The following RIC1 variants were observed in gnomAD, a reference collection of about 807,000 sequenced individuals.
RIC1 encodes the protein guanine nucleotide exchange factor subunit RIC1.
Under a neutral mutation model 169.0 loss-of-function variants are expected in RIC1, and 88 were observed. The ratio of observed to expected loss-of-function variants is 0.52; its 90% confidence interval spans 0.44 to 0.62. RIC1 has a LOEUF of 0.62. RIC1 is among the 20% of genes least tolerant of loss of function. RIC1 has a pLI of 0.00. For missense variants in RIC1, 1,877 were observed against 1,725.5 expected (o/e 1.09, Z -1.56); for synonymous variants, 790 against 601.5 (o/e 1.31, Z -4.59).
At chr9:5,713,558 C>G (rs1021984891) in intron 3 of RIC1, 1 of 199,438 alleles carries the variant, frequency 5.0e-6, no homozygotes, top group South Asian at 9.7e-5. Flanking sequence ...CCATAGTTGT[C>G]CACCTTAGAA....
At chr9:5,702,984 A>T (rs981944820) in intron 3 of RIC1, among the ~76,000 whole-genome samples, 14 of 152,176 alleles carry the variant, frequency 9.2e-5, no homozygotes, top group African/African-American at 2.9e-4. Flanking sequence ...AATTTGACAT[A>T]AGATTTGTGT....
At chr9:5,671,626 T>A (rs1820113928) in intron 2 of RIC1, among the ~76,000 whole-genome samples, 2 of 152,186 alleles carry the variant, frequency 1.3e-5, no homozygotes, top group African/African-American at 2.4e-5. Context: ...AAGAACCTGT[T>A]TTGCAGGCAG....
At chr9:5,751,810 TAC>T (rs1378426095) in intron 12 of RIC1, among the ~76,000 whole-genome samples, 2 of 152,260 alleles carry the variant, frequency 1.3e-5, no homozygotes, top group Admixed American at 1.3e-4. Context: ...TCAAGGTTAA[TAC>T]AGATGTTTAG....
At chr9:5,757,233 T>C in intron 16 of RIC1, 80 bp from the exon 17 acceptor site, 1 of 1,472,654 alleles carries the variant, frequency 6.8e-7, no homozygotes, top group Non-Finnish European at 9.4e-7. Context: ...GCATGAAATC[T>C]AATACTATTA....
At chr9:5,671,759 G>A (rs1010194115) in intron 2 of RIC1, among the ~76,000 whole-genome samples, 6 of 152,144 alleles carry the variant, frequency 3.9e-5, no homozygotes, top group African/African-American at 1.4e-4. Flanking sequence ...ATAAACATGA[G>A]CCTAAAGTCA....
chr9:5,724,342 A>T (rs1266992509), intron 6 of RIC1, among the ~76,000 whole-genome samples: 2 of 152,186 alleles, frequency 1.3e-5, no homozygotes, highest in East Asian at 1.9e-4. Context: ...GAGTTCACTC[A>T]TGATTTGGTT....
rs762587217 is a variant in RIC1 at position 5,772,731 on chromosome 9, G to A, written c.3784G>A (p.Val1262Ile). Residue 1262 changes from valine (V) to isoleucine (I), a missense_variant, in exon 24 of 26, where the codon GTC (valine) becomes ATC (isoleucine). Coordinates refer to ENST00000414202, the MANE Select transcript of RIC1 (RefSeq NM_020829.4). Reference sequence around the variant, plus strand: ...CAGTAAAGGGCCTCATAAATCCCAGGTCCAGCTTCGGTGAGTTTCTTGGCT... The same window carrying A: ...CAGTAAAGGGCCTCATAAATCCCAGATCCAGCTTCGGTGAGTTTCTTGGCT... ...LASKGPHKSQ[V>I]QLRYLLHIFM... 6.2e-7 allele frequency: 1 copy of A among 1,604,592 alleles called. No homozygotes were observed. The highest frequency in any genetic ancestry group is 1.1e-5 in the South Asian group (1 of 89,092).
intron 7 of RIC1, among the ~76,000 whole-genome samples, chr9:5,732,865 A>T (rs1036171905): frequency 3.3e-5 from 5 of 152,190 alleles, no homozygotes; most frequent in Non-Finnish European, 5.9e-5. Flanking sequence ...AGTGTGCTTT[A>T]GTTAACAAGC....
At chr9:5,730,587 C>T (rs951137678) in intron 6 of RIC1, among the ~76,000 whole-genome samples, 2 of 151,932 alleles carry the variant, frequency 1.3e-5, no homozygotes, top group African/African-American at 2.4e-5. Context: ...AGGTGATTAC[C>T]ATGTAAATCT....
rs1047972418 is a variant in RIC1, at chr9:5,629,295, G to C, written c.-15G>C. 4 of 1,477,994 alleles carry C rather than the reference G, an allele frequency of 2.7e-6. No individual in the cohort carries two copies. The highest frequency in any genetic ancestry group is 3.6e-6 in the Non-Finnish European group (4 of 1,117,042). 91.6% of individuals were successfully genotyped at this position (1,477,994 alleles called of 1,614,324 possible). A position where few individuals can be genotyped will look rare whatever the true frequency, so the allele number is the denominator to read the frequency against. On this transcript the variant is annotated 5_prime_UTR_variant, in exon 1 of 26. Transcript: ENST00000414202. The stretch of plus-strand genomic sequence containing the variant: ...GACGGACGCAACTGGGGGCGCCGGG[G>C]GCTCCGCACGGACCATGTATTTTCT...
At chr9:5,719,133 A>G (rs1301803674) in intron 4 of RIC1, 2 of 152,180 alleles carry the variant, frequency 1.3e-5, no homozygotes, top group South Asian at 2.1e-4. Flanking sequence ...TCTTAAATTC[A>G]TCTTACTTCC....
intron 1 of RIC1, among the ~76,000 whole-genome samples, chr9:5,647,539 C>G (rs887760107): frequency 6.6e-6 from 1 of 152,020 alleles, no homozygotes; most frequent in African/African-American, 2.4e-5. Flanking sequence ...TAGGTTTAGT[C>G]CTAAGTACTT....
chr9:5,771,664 A>G (rs1827232600), intron 23 of RIC1, among the ~76,000 whole-genome samples: 1 of 152,152 alleles, frequency 6.6e-6, no homozygotes, highest in Admixed American at 6.5e-5. Context: ...TTTTCTCCAC[A>G]TCTCACCAAC....
At position 5,713,998 on chromosome 9, in the gene RIC1, C is replaced by G. The variant is rs1481575213; in HGVS notation, c.435C>G (p.Ile145Met). ...AAATACTGGATTTACAAGCACCCAT[C>G]ATGAGGTACAGTACTTTGGTTAAAT... The part of the protein sequence containing the change: ...MRKILDLQAP[I>M]MSLQSVLEDL... Residue 145 changes from isoleucine to methionine, a missense_variant, in exon 4 of 26, where the codon ATC becomes ATG. This residue lies in a region of RIC1 where 1,104 missense variants were observed against 992.0 expected (regional missense o/e 1.11). Coordinates refer to ENST00000414202, the MANE Select transcript of RIC1 (RefSeq NM_020829.4). 5 of 1,602,524 alleles carry G rather than the reference C, an allele frequency of 3.1e-6. No individual in the cohort carries two copies. Among genetic ancestry groups the G allele is most frequent in the Non-Finnish European group, 4.3e-6 (5 of 1,170,978 alleles).
chr9:5,763,298 C>T lies in RIC1; in HGVS notation c.2271C>T (p.His757=). Residue 757 remains histidine, a synonymous_variant, in exon 19 of 26, where the codon CAC becomes CAT. Transcript: ENST00000414202. The surrounding 1 kb of genome is among the most constrained non-coding windows in gnomAD (Gnocchi z 5.2). ...KVWLPLFPRD[H]RKPHSFLSQR... ...GGCTCCCTCTCTTCCCTAGGGATCA[C>T]CGCAAGCCCCATTCCTTCTTGTCCC... The T allele has an allele frequency of 6.2e-7, 1 of 1,614,186 alleles. No homozygotes were observed. Among genetic ancestry groups the T allele is most frequent in the Non-Finnish European group, 8.5e-7 (1 of 1,180,040 alleles).
At chr9:5,769,764 A>T in intron 22 of RIC1, 1 of 260,770 alleles carries the variant, frequency 3.8e-6, no homozygotes, top group Non-Finnish European at 7.2e-6. Flanking sequence ...TGAAACCAAA[A>T]CTTTTAACTT....
At chr9:5,748,673 C>G (rs1452907121) in intron 12 of RIC1, 1 of 152,618 alleles carries the variant, frequency 6.6e-6, no homozygotes, top group African/African-American at 2.4e-5. Context: ...CTAGCCAGGT[C>G]TGTGTTACCA....
Position 5,769,274 on chromosome 9 carries a change from T to C in RIC1, c.3424+18T>C. Reference sequence around the variant, plus strand: ...CCGAACTGGTAATGTAGACTTCATGTCACTTGTACAAGGAGAATTGTATTT... The same window carrying C: ...CCGAACTGGTAATGTAGACTTCATGCCACTTGTACAAGGAGAATTGTATTT... On this transcript the variant is annotated intron_variant, in intron 22 of 25. Coordinates refer to ENST00000414202, the MANE Select transcript of RIC1 (RefSeq NM_020829.4). 6.2e-7 allele frequency: 1 copy of C among 1,613,928 alleles called. No homozygotes were observed. Among genetic ancestry groups the C allele is most frequent in the Non-Finnish European group, 8.5e-7 (1 of 1,179,766 alleles).
rs1235082910 is a variant in RIC1 at position 5,751,596 on chromosome 9, C to G, written c.1453-1604C>G. ...TCTCAAACTCCTGACCTCAGGCAATCTGCCTGCCTCAGCCTCCCAAAGTGC... is the reference window on the plus strand; with the variant it reads ...TCTCAAACTCCTGACCTCAGGCAATGTGCCTGCCTCAGCCTCCCAAAGTGC... On this transcript the variant is annotated intron_variant, in intron 12 of 25. Coordinates refer to ENST00000414202, the MANE Select transcript of RIC1 (RefSeq NM_020829.4). Among the ~76,000 whole-genome samples the G allele has an allele frequency of 4.6e-3, 706 of 151,832 alleles. 15 individuals are homozygous for G. The highest frequency in any genetic ancestry group is 0.016 in the African/African-American group (672 of 41,132).
Sources: gnomAD v4.1 joint callset for allele counts (sites outside exome capture counted in the v4.1 genomes callset) on GRCh38, gnomAD v4.1.1 for gene constraint, gnomAD v4.1.1 regional missense constraint, Gnocchi (gnomAD v3.1) non-coding constraint, MANE v1.5 for transcripts, NCBI Gene and HGNC (gene_info 2026-07-23, HGNC 2026-07-21) for gene names.